TAFA1: variants seen among roughly 807,000 people sequenced by gnomAD.
TAFA1 encodes the protein TAFA chemokine like family member 1.
TAFA1 carries 4 observed loss-of-function variants against 18.5 expected under a neutral mutation model. The ratio of observed to expected loss-of-function variants is 0.22; its 90% CI spans 0.11 to 0.49. The LOEUF is 0.49. TAFA1 is among the 20% of genes least tolerant of loss of function. The probability of loss-of-function intolerance (pLI) is 0.98; values close to 1 mark genes in which losing one functional copy is unlikely to be tolerated. For synonymous variants in TAFA1, 56 were observed against 55.2 expected, an observed-to-expected ratio of 1.01 and a Z score of -0.06; for missense variants, 147 against 169.0, an observed-to-expected ratio of 0.87 and a Z score of 0.72.
intron 2 of TAFA1, among the ~76,000 whole-genome samples, chr3:68,347,029 A>G (rs958536975): frequency 4.7e-5 from 7 of 149,708 alleles, no homozygotes; most frequent in Non-Finnish European, 1.0e-4. Flanking sequence ...TGTTTTCTCC[A>G]CTGTGATCCC....
intron 3 of TAFA1, among the ~76,000 whole-genome samples, chr3:68,469,851 A>T (rs2071962061): frequency 6.6e-6 from 1 of 152,172 alleles, no homozygotes; most frequent in Admixed American, 6.5e-5. Flanking sequence ...CAGTTTTCTT[A>T]TCTGCAAAAT....
chr3:68,275,445 C>T (rs1304739254), intron 2 of TAFA1, among the ~76,000 whole-genome samples: 3 of 149,832 alleles, frequency 2.0e-5, no homozygotes, highest in African/African-American at 7.4e-5. Context: ...GGGCTTCAAG[C>T]AAGATCATGT....
intron 2 of TAFA1, among the ~76,000 whole-genome samples, chr3:68,295,421 A>T (rs913249572): frequency 6.6e-6 from 1 of 152,288 alleles, no homozygotes; most frequent in Admixed American, 6.5e-5. Flanking sequence ...TTCAGTTAAA[A>T]AAAAAAGACT....
At chr3:68,072,791 G>A (rs998835372) in intron 2 of TAFA1, among the ~76,000 whole-genome samples, 4 of 152,086 alleles carry the variant, frequency 2.6e-5, no homozygotes, top group Non-Finnish European at 5.9e-5. Context: ...ACTGGCAGTT[G>A]GACATTATGG....
At chr3:68,186,944 T>C (rs548848098) in intron 2 of TAFA1, among the ~76,000 whole-genome samples, 101 of 152,100 alleles carry the variant, frequency 6.6e-4, no homozygotes, top group African/African-American at 2.3e-3. Flanking sequence ...CTGTGGGTAA[T>C]TAGCAGTTTC....
rs145696282 is a variant in TAFA1 at position 68,450,065 on chromosome 3, A to G, written c.259+32645A>G. Among the ~76,000 whole-genome samples the G allele has an allele frequency of 2.2e-4, 33 of 152,098 alleles. No individual in the cohort carries two copies. The East Asian group carries it at 5.4e-3, about 25-fold the overall frequency. ...CAGGTAGAACAGTTAGATGATTGCC[A>G]TGATCCACACAAGGAATGATAAGAG... On this transcript the variant is annotated intron_variant, in intron 3 of 4. Coordinates refer to ENST00000478136, the MANE Select transcript of TAFA1 (RefSeq NM_213609.4).
chr3:68,328,079 T>G (rs933806420), intron 2 of TAFA1, among the ~76,000 whole-genome samples: 1 of 152,200 alleles, frequency 6.6e-6, no homozygotes, highest in Non-Finnish European at 1.5e-5. Flanking sequence ...TGTGAATCTG[T>G]TGGTATAAAA....
At chr3:68,469,070 C>T (rs185131040) in intron 3 of TAFA1, among the ~76,000 whole-genome samples, 111 of 152,142 alleles carry the variant, frequency 7.3e-4, no homozygotes, top group African/African-American at 2.5e-3. Context: ...AGGATCAGTG[C>T]TGGCAAAGGC....
At chr3:68,534,393 T>G (rs1242265749) in intron 3 of TAFA1, among the ~76,000 whole-genome samples, 2 of 152,206 alleles carry the variant, frequency 1.3e-5, no homozygotes, top group Non-Finnish European at 2.9e-5. Flanking sequence ...TTCTTTGAAT[T>G]TTTATATTTT....
chr3:68,234,749 A>G (rs1169193598), intron 2 of TAFA1, among the ~76,000 whole-genome samples: 1 of 152,208 alleles, frequency 6.6e-6, no homozygotes, highest in Non-Finnish European at 1.5e-5. Context: ...AAAGAAACCA[A>G]CAAAAAAACC....
At chr3:68,522,951 C>T (rs2073050069) in intron 3 of TAFA1, among the ~76,000 whole-genome samples, 1 of 152,160 alleles carries the variant, frequency 6.6e-6, no homozygotes, top group African/African-American at 2.4e-5. Context: ...TGGTGTGCAC[C>T]TGTGATCTCA....
intron 2 of TAFA1, chr3:68,144,958 T>C (rs1189949512): frequency 3.5e-6 from 3 of 857,614 alleles, no homozygotes; most frequent in African/African-American, 1.7e-5. Flanking sequence ...AAATAATGAC[T>C]ATAAAGTGGC....
At chr3:68,420,942 G>A (rs1447318034) in intron 3 of TAFA1, among the ~76,000 whole-genome samples, 2 of 152,112 alleles carry the variant, frequency 1.3e-5, no homozygotes, top group South Asian at 2.1e-4. Context: ...AAGCCAATAA[G>A]CATTATAAAA....
chr3:68,097,895 A>T (rs548093270), intron 2 of TAFA1, among the ~76,000 whole-genome samples: 1 of 152,256 alleles, frequency 6.6e-6, no homozygotes, highest in South Asian at 2.1e-4. Flanking sequence ...TGGCACAATA[A>T]AATATGGCCC....
chr3:68,378,000 C>T (rs544293648), intron 2 of TAFA1, among the ~76,000 whole-genome samples: 16 of 152,258 alleles, frequency 1.1e-4, no homozygotes, highest in Middle Eastern at 3.4e-3. Flanking sequence ...TATATGAAAA[C>T]GCCTGGATGT....
At chr3:68,019,916 T>A (rs891813143) in intron 2 of TAFA1, among the ~76,000 whole-genome samples, 3 of 152,210 alleles carry the variant, frequency 2.0e-5, no homozygotes, top group African/African-American at 7.2e-5. Flanking sequence ...GCTTTGTGTT[T>A]GAACCCAGAT....
chr3:68,340,062 C>A (rs1406602700), intron 2 of TAFA1, among the ~76,000 whole-genome samples: 1 of 152,076 alleles, frequency 6.6e-6, no homozygotes, highest in Non-Finnish European at 1.5e-5. Context: ...ACCATCAAAA[C>A]AATAAATTAA....
At chr3:68,053,898 T>A (rs1480804253) in intron 2 of TAFA1, among the ~76,000 whole-genome samples, 14 of 151,924 alleles carry the variant, frequency 9.2e-5, no homozygotes, top group Admixed American at 8.5e-4. Context: ...AGAGATGAGG[T>A]CTTACTATAT....
At chr3:68,106,033 G>T (rs896865391) in intron 2 of TAFA1, among the ~76,000 whole-genome samples, 2 of 151,936 alleles carry the variant, frequency 1.3e-5, no homozygotes, top group African/African-American at 2.4e-5. Flanking sequence ...AGGTATGCTT[G>T]TTTAAAAGAA....
Sources: allele counts gnomAD v4.1 joint callset (sites outside exome capture counted in the v4.1 genomes callset), GRCh38; gene constraint gnomAD v4.1.1; transcripts MANE v1.5; gene names NCBI Gene and HGNC (gene_info 2026-07-23, HGNC 2026-07-21).